Variants in SPHKAP observed in about 807,000 individuals in gnomAD.
The protein encoded by SPHKAP is A-kinase anchor protein SPHKAP.
In SPHKAP, 67 loss-of-function variants were observed where a neutral mutation model predicts 137.5. The ratio of observed to expected loss-of-function variants is 0.49; its 90% CI spans 0.40 to 0.60. SPHKAP has a LOEUF of 0.60. Ranked by LOEUF, SPHKAP falls within the 20% of genes least tolerant of loss-of-function variation. The pLI is 0.00. For synonymous variants in SPHKAP, 813 were observed against 785.3 expected (o/e 1.04, Z -0.59); for missense variants, 2,097 against 2,069.3 (o/e 1.01, Z -0.26).
intron 3 of SPHKAP, among the ~76,000 whole-genome samples, chr2:228,062,062 C>A (rs1186185326): frequency 6.6e-6 from 1 of 151,288 alleles, no homozygotes. Context: ...TGATTTCATA[C>A]AAAGAAACCC....
Position 228,018,388 on chromosome 2 carries a change from A to G in SPHKAP, c.2466T>C (p.Asp822=). Residue 822 remains aspartate, a synonymous_variant, in exon 7 of 12, where the codon GAT becomes GAC. Coordinates refer to ENST00000392056, the MANE Select transcript of SPHKAP (RefSeq NM_001142644.2). ...SQLSRSHRVP[D]SSTATTSSKE... is the part of the protein sequence containing the mutation. ...TGGAGGATGTTGTAGCAGTTGAAGA[A>G]TCGGGCACTCTGTGACTACGTGATA... The G allele has an allele frequency of 6.2e-7, 1 of 1,614,170 alleles. No individual in the cohort carries two copies. Among genetic ancestry groups the G allele is most frequent in the Non-Finnish European group, 8.5e-7 (1 of 1,180,018 alleles).
chr2:228,148,460 T>C (rs2106395794), intron 1 of SPHKAP, among the ~76,000 whole-genome samples: 1 of 152,152 alleles, frequency 6.6e-6, no homozygotes, highest in African/African-American at 2.4e-5. Flanking sequence ...TAAAATTTGA[T>C]GGTAAAGAAG....
intron 7 of SPHKAP, among the ~76,000 whole-genome samples, chr2:228,003,925 G>A (rs1352582194): frequency 6.6e-6 from 1 of 152,164 alleles, no homozygotes; most frequent in African/African-American, 2.4e-5. Context: ...CTTGATCATG[G>A]TGATAAGCTT....
intron 3 of SPHKAP, among the ~76,000 whole-genome samples, chr2:228,093,039 TC>T (rs1438065617): frequency 6.6e-6 from 1 of 151,654 alleles, no homozygotes; most frequent in Admixed American, 6.6e-5. Context: ...TACCAACTGT[TC>T]CCCCAAACCT....
intron 3 of SPHKAP, among the ~76,000 whole-genome samples, chr2:228,077,405 A>C (rs561374397): frequency 1.5e-4 from 23 of 152,310 alleles, no homozygotes; most frequent in Admixed American, 1.3e-3. Context: ...TGTACCTGGC[A>C]AAGCCACAGG....
intron 3 of SPHKAP, among the ~76,000 whole-genome samples, chr2:228,042,256 A>G (rs1695881358): frequency 6.6e-6 from 1 of 152,166 alleles, no homozygotes; most frequent in Non-Finnish European, 1.5e-5. Context: ...GAGTTCTTAC[A>G]CTTGTATGTT....
At position 228,018,243 on chromosome 2, in the gene SPHKAP, C is replaced by G. The variant is rs761039182; in HGVS notation, c.2611G>C (p.Gly871Arg). 6.2e-7 allele frequency: 1 copy of G among 1,614,004 alleles called. No homozygotes were observed. The highest frequency in any genetic ancestry group is 8.5e-7 in the Non-Finnish European group (1 of 1,180,010). ...ATACTCTCCTCAGCCTCCTGGGAAC[C>G]ACTTCTGGACTGGCTGACCGTTGGG... ...RSPTVSQSRS[G>R]SQEAEESIHP... The change falls in exon 7 of 12, where the codon GGT (glycine) becomes CGT (arginine). Residue 871 changes from glycine (G) to arginine (R), a missense_variant. Coordinates refer to ENST00000392056, the MANE Select transcript of SPHKAP (RefSeq NM_001142644.2).
chr2:228,038,053 A>ACT (rs1467756661), intron 3 of SPHKAP, among the ~76,000 whole-genome samples: 1 of 152,172 alleles, frequency 6.6e-6, no homozygotes, highest in African/African-American at 2.4e-5. Flanking sequence ...TGATGAGGAG[A>ACT]CTGAACGTTT....
intron 3 of SPHKAP, among the ~76,000 whole-genome samples, chr2:228,103,990 G>C (rs1698254756): frequency 6.6e-6 from 1 of 151,926 alleles, no homozygotes; most frequent in African/African-American, 2.4e-5. Flanking sequence ...CAGAGAAAAG[G>C]ATAAAGCAAA....
chr2:228,123,309 A>G (rs1698969076), intron 2 of SPHKAP, among the ~76,000 whole-genome samples: 1 of 152,206 alleles, frequency 6.6e-6, no homozygotes, highest in South Asian at 2.1e-4. Flanking sequence ...GCTGTTTTGC[A>G]AAAACTGGCT....
At chr2:228,020,238 A>C (rs1452041142) in intron 6 of SPHKAP, 82 bp from the exon 7 acceptor site, 2 of 1,501,468 alleles carry the variant, frequency 1.3e-6, no homozygotes, top group Non-Finnish European at 8.8e-7. Context: ...ACTTTCTAAA[A>C]ATAAAACATC....
At chr2:228,093,066 AT>A in intron 3 of SPHKAP, among the ~76,000 whole-genome samples, 1 of 152,308 alleles carries the variant, frequency 6.6e-6, no homozygotes, top group East Asian at 1.9e-4. Context: ...AATTAAAAAA[AT>A]AAAAAAGCAC....
chr2:228,040,746 TAAA>T (rs957843047), intron 3 of SPHKAP, among the ~76,000 whole-genome samples: 2 of 152,116 alleles, frequency 1.3e-5, no homozygotes, highest in Non-Finnish European at 2.9e-5. Flanking sequence ...AAAATAAAAT[TAAA>T]AAAATAAGTA....
At chr2:228,036,412 G>A (rs555302894) in intron 3 of SPHKAP, among the ~76,000 whole-genome samples, 1 of 152,158 alleles carries the variant, frequency 6.6e-6, no homozygotes. Context: ...TGGAGAAATA[G>A]GAACACTTTT....
chr2:228,150,828 A>G (rs1330280314), intron 1 of SPHKAP, among the ~76,000 whole-genome samples: 1 of 151,734 alleles, frequency 6.6e-6, no homozygotes, highest in Non-Finnish European at 1.5e-5. Flanking sequence ...ATGGCTCATC[A>G]CAGCCTCGAT....
intron 3 of SPHKAP, among the ~76,000 whole-genome samples, chr2:228,029,435 C>A (rs901808474): frequency 2.6e-5 from 4 of 152,036 alleles, no homozygotes; most frequent in Admixed American, 2.0e-4. Context: ...GCTTTAGTCC[C>A]AAAGAATAGG....
chr2:228,058,984 C>T (rs892413070), intron 3 of SPHKAP, among the ~76,000 whole-genome samples: 3 of 152,218 alleles, frequency 2.0e-5, no homozygotes, highest in Non-Finnish European at 2.9e-5. Flanking sequence ...AATCACTGAT[C>T]TGTTCCCTGT....
chr2:228,160,785 T>A (rs901026597), intron 1 of SPHKAP, among the ~76,000 whole-genome samples: 1 of 152,238 alleles, frequency 6.6e-6, no homozygotes, highest in African/African-American at 2.4e-5. Flanking sequence ...TAATAAATAC[T>A]TATTTTCAGT....
chr2:228,056,358 G>C (rs1696444505), intron 3 of SPHKAP, among the ~76,000 whole-genome samples: 1 of 152,136 alleles, frequency 6.6e-6, no homozygotes. Flanking sequence ...AGATATTGAA[G>C]TGGCCATATC....
Sources: gnomAD v4.1 joint callset for allele counts (sites outside exome capture counted in the v4.1 genomes callset) on GRCh38, gnomAD v4.1.1 for gene constraint, MANE v1.5 for transcripts, NCBI Gene and HGNC (gene_info 2026-07-23, HGNC 2026-07-21) for gene names.